The following HUS1 variants were observed in gnomAD, a reference collection of about 807,000 sequenced individuals.
HUS1 encodes checkpoint protein HUS1.
HUS1 carries 31 observed loss-of-function variants against 32.6 expected under a neutral mutation model. That is an observed-to-expected ratio of 0.95 (90% confidence interval 0.72 to 1.28). The LOEUF (loss-of-function observed/expected upper bound fraction) is 1.28, where lower values mean the gene tolerates loss of function less well. Among genes scored for constraint, HUS1 ranks in the 50% most tolerant of loss-of-function variants. The probability of loss-of-function intolerance (pLI) is 0.00; values close to 1 mark genes in which losing one functional copy is unlikely to be tolerated. For missense variants in HUS1, 340 were observed against 337.7 expected, an observed-to-expected ratio of 1.01 and a Z score of -0.05; for synonymous variants, 123 against 116.6, an observed-to-expected ratio of 1.06 and a Z score of -0.36.
intron 3 of HUS1, chr7:47,978,191 A>C (rs2128766793): frequency 2.3e-6 from 1 of 428,850 alleles, no homozygotes; most frequent in Non-Finnish European, 4.2e-6. Flanking sequence ...TGGAAGTTTC[A>C]CGGCTTGGAA....
chr7:47,976,978 G>A (rs1305041468), intron 3 of HUS1, 141 bp from the exon 4 acceptor site: 6 of 598,160 alleles, frequency 1.0e-5, no homozygotes, highest in South Asian at 8.1e-5. Flanking sequence ...AAAGCCATTC[G>A]ACCAATATTG....
In HUS1 at chr7:47,963,923, A is replaced by C. The variant is rs183750836; in HGVS notation, c.*1433T>G. On this transcript the variant is annotated 3_prime_UTR_variant, in exon 8 of 8. Coordinates refer to ENST00000258774, the MANE Select transcript of HUS1 (RefSeq NM_004507.4). Reference sequence around the variant, plus strand: ...TCCGTCTCAAAAAAAAAAACCAAAAAACAAACAAAAAACCATTACTAAACA... The same window carrying C: ...TCCGTCTCAAAAAAAAAAACCAAAACACAAACAAAAAACCATTACTAAACA... The C allele has an allele frequency of 1.1e-4, 16 of 152,194 alleles. No individual in the cohort carries two copies. Among genetic ancestry groups the C allele is most frequent in the African/African-American group, 3.1e-4 (13 of 41,536 alleles). 9.4% of individuals were successfully genotyped at this position (152,194 alleles called of 1,614,324 possible).
chr7:47,965,344 A>T lies in HUS1; in HGVS notation c.*12T>A, dbSNP rs1244462314. ...GACAAAGTCTCTGCATGCCAACTCC[A>T]GCGACAGGGTGCTAGGACAGCGCAG... On this transcript the variant is annotated 3_prime_UTR_variant, in exon 8 of 8. Transcript: ENST00000258774. 1 of 1,599,174 alleles carries T rather than the reference A, an allele frequency of 6.3e-7. No homozygotes were observed. The highest frequency in any genetic ancestry group is 1.1e-5 in the South Asian group (1 of 90,806).
chr7:47,970,452 T>C (rs3176567), intron 5 of HUS1, among the ~76,000 whole-genome samples: 2,377 of 148,184 alleles, frequency 0.016, 72 homozygotes, highest in African/African-American at 0.056. Flanking sequence ...ACAGAGAGAA[T>C]AGTAAGAGAA....
chr7:47,969,035 G>A, intron 6 of HUS1, 184 bp downstream of exon 6: 1 of 533,726 alleles, frequency 1.9e-6, no homozygotes, highest in South Asian at 2.3e-5. Flanking sequence ...TTCTCCCCCT[G>A]GTGGCTAACT....
Position 47,963,545 on chromosome 7 carries a change from G to T in HUS1, c.*1811C>A, listed in dbSNP as rs1788413696. On this transcript the variant is annotated 3_prime_UTR_variant, in exon 8 of 8. Transcript: ENST00000258774. ...TTTCGTTACAATGAGAGGAGGAAGG[G>T]TTTAAAAATTAAAACGGTGTCTTCT... 6.6e-6 allele frequency: 1 copy of T among 152,118 alleles called. No individual in the cohort carries two copies. Among genetic ancestry groups the T allele is most frequent in the South Asian group, 2.1e-4 (1 of 4,826 alleles). 9.4% of individuals were successfully genotyped at this position (152,118 alleles called of 1,614,324 possible). A position where few individuals can be genotyped will look rare whatever the true frequency, so the allele number is the denominator to read the frequency against.
chr7:47,966,795 T>G lies in HUS1; in HGVS notation c.760+1011A>C, dbSNP rs1249356049. Reference sequence around the variant, plus strand: ...AAATATGACATCGTCCATGTCAAAGTTCCTTAAAATGCAGCACAGGTACCT... The same window carrying G: ...AAATATGACATCGTCCATGTCAAAGGTCCTTAAAATGCAGCACAGGTACCT... On this transcript the variant is annotated intron_variant, in intron 7 of 7. Coordinates refer to ENST00000258774, the MANE Select transcript of HUS1 (RefSeq NM_004507.4). Among the ~76,000 whole-genome samples, 4 of 152,080 alleles carry G rather than the reference T, an allele frequency of 2.6e-5. No individual in the cohort carries two copies. The East Asian group carries it at 7.7e-4, about 29-fold the overall frequency.
At chr7:47,971,627 T>C (rs1788602750) in intron 5 of HUS1, 1 of 450,178 alleles carries the variant, frequency 2.2e-6, no homozygotes, top group Non-Finnish European at 4.5e-6. Flanking sequence ...ACCTGTTATT[T>C]CTCTTTTTGA....
intron 7 of HUS1, 45 bp from the exon 8 acceptor site, chr7:47,965,483 C>A: frequency 5.9e-6 from 8 of 1,364,496 alleles, no homozygotes; most frequent in Non-Finnish European, 8.4e-6. Context: ...GTGCAGCACA[C>A]ACATTTTGAT....
At position 47,971,754 on chromosome 7, in the gene HUS1, T is replaced by C. The variant is rs552556883; in HGVS notation, c.541-2436A>G. 1.7e-3 allele frequency among the ~76,000 whole-genome samples: 266 copies of C among 152,326 alleles called. 2 individuals are homozygous for C. The highest frequency in any genetic ancestry group is 2.9e-3 in the Non-Finnish European group (197 of 68,028). On this transcript the variant is annotated intron_variant, in intron 5 of 7. Transcript: ENST00000258774. ...AAGTGCCACCTAGCAACTGGTCTTA[T>C]TTAGGGCCATTCCATCCTCACAGTG...
At position 47,963,332 on chromosome 7, in the gene HUS1, T is replaced by C. The variant is rs1562583278; in HGVS notation, c.*2024A>G. ...TCTTTAGCCACATTCTACACAAAGA[T>C]AAAATCTTAAGCCATTCATTAAAAT... is the stretch of plus-strand genomic sequence containing the variant. On this transcript the variant is annotated 3_prime_UTR_variant, in exon 8 of 8. Coordinates refer to ENST00000258774, the MANE Select transcript of HUS1 (RefSeq NM_004507.4). The C allele has an allele frequency of 2.6e-5, 4 of 152,250 alleles. No homozygotes were observed. Among genetic ancestry groups the C allele is most frequent in the African/African-American group, 4.8e-5 (2 of 41,476 alleles). 9.4% of individuals were successfully genotyped at this position (152,250 alleles called of 1,614,324 possible).
In HUS1 at chr7:47,978,528, C is replaced by T; in HGVS notation, c.246G>A (p.Glu82=). The T allele has an allele frequency of 1.2e-6, 2 of 1,614,198 alleles. No homozygotes were observed. Among genetic ancestry groups the T allele is most frequent in the African/African-American group, 1.3e-5 (1 of 75,050 alleles). ...VSAENNEIYL[E]LTSENLSRAL... ...CTCGAGATAAGTTTTCCGATGTTAG[C>T]TCTAAATAAATCTCATTGTTTTCTG... Residue 82 remains glutamate, a synonymous_variant, in exon 3 of 8, where the codon GAG becomes GAA. Coordinates refer to ENST00000258774, the MANE Select transcript of HUS1 (RefSeq NM_004507.4).
intron 1 of HUS1, among the ~76,000 whole-genome samples, chr7:47,979,085 T>C (rs146227937): frequency 9.3e-4 from 142 of 152,304 alleles, no homozygotes; most frequent in African/African-American, 3.3e-3. Context: ...ATTTATTGAC[T>C]ACTAGGTACT....
intron 1 of HUS1, among the ~76,000 whole-genome samples, chr7:47,979,102 C>T (rs1396003914): frequency 1.3e-5 from 2 of 152,158 alleles, no homozygotes; most frequent in African/African-American, 4.8e-5. Flanking sequence ...TACTGCAATA[C>T]ACAGTTAAAT....
intron 6 of HUS1, 31 bp downstream of exon 6, chr7:47,969,188 A>G (rs780047157): frequency 8.7e-7 from 1 of 1,152,922 alleles, no homozygotes; most frequent in South Asian, 1.3e-5. Flanking sequence ...TAACTTATCC[A>G]AAGCAAAATA....
At chr7:47,978,041 A>G (rs1788742899) in intron 3 of HUS1, among the ~76,000 whole-genome samples, 1 of 152,220 alleles carries the variant, frequency 6.6e-6, no homozygotes, top group African/African-American at 2.4e-5. Context: ...CGTGTACTGA[A>G]GAACGAGGGG....
Position 47,975,668 on chromosome 7 carries a change from A to T in HUS1, c.485T>A (p.Val162Asp), listed in dbSNP as rs1788688042. 6.3e-7 allele frequency: 1 copy of T among 1,593,772 alleles called. No individual in the cohort carries two copies. The highest frequency in any genetic ancestry group is 1.7e-5 in the Admixed American group (1 of 57,914). ...PDPDVSIYLP[V>D]LKTMKSVVEK... Reference sequence around the variant, plus strand: ...CACAACACTCTTCATAGTCTTCAAGACTGGTAAATAAATACTAACCTACAA... The same window carrying T: ...CACAACACTCTTCATAGTCTTCAAGTCTGGTAAATAAATACTAACCTACAA... The change falls in exon 5 of 8, where the codon GTC (valine) becomes GAC (aspartate). Residue 162 changes from valine to aspartate, a missense_variant. Transcript: ENST00000258774.
At chr7:47,974,874 T>C (rs912871223) in intron 5 of HUS1, among the ~76,000 whole-genome samples, 3 of 152,060 alleles carry the variant, frequency 2.0e-5, no homozygotes, top group African/African-American at 7.2e-5. Flanking sequence ...GTGTGAGGTG[T>C]GCTTGGAATA....
At chr7:47,965,527 ACCT>A in intron 7 of HUS1, 89 bp from the exon 8 acceptor site, 1 of 819,284 alleles carries the variant, frequency 1.2e-6, no homozygotes, top group Non-Finnish European at 2.0e-6. Context: ...CCCAGCCTGC[ACCT>A]CCTGTTTTAG....
Sources: gnomAD v4.1 joint callset for allele counts (sites outside exome capture counted in the v4.1 genomes callset) on GRCh38, gnomAD v4.1.1 for gene constraint, MANE v1.5 for transcripts, NCBI Gene and HGNC (gene_info 2026-07-23, HGNC 2026-07-21) for gene names.